The following AFF4 variants were observed in gnomAD, a reference collection of about 807,000 sequenced individuals.
AFF4 encodes AF4/FMR2 family member 4.
Under a neutral mutation model 124.8 loss-of-function variants are expected in AFF4, and 13 were observed. That is an observed-to-expected ratio of 0.10 (90% CI 0.07 to 0.17). AFF4 has a LOEUF of 0.17. Among genes scored for constraint, AFF4 ranks in the 10% least tolerant of loss-of-function variants. AFF4 has a pLI of 1.00. For synonymous variants in AFF4, 477 were observed against 496.1 expected (o/e 0.96, Z 0.51); for missense variants, 1,092 against 1,403.8 (o/e 0.78, Z 3.55).
At chr5:132,944,370 G>C (rs116332641) in intron 1 of AFF4, among the ~76,000 whole-genome samples, 15,644 of 151,736 alleles carry the variant, frequency 0.1, 1,119 homozygotes, top group Non-Finnish European at 0.16. Context: ...CAGAAGGTCA[G>C]GCACGGTGGT....
At chr5:132,923,250 C>G (rs1378805173) in intron 5 of AFF4, among the ~76,000 whole-genome samples, 1 of 152,038 alleles carries the variant, frequency 6.6e-6, no homozygotes, top group Non-Finnish European at 1.5e-5. Flanking sequence ...ACTCAGGAGG[C>G]TGAGGCAGGA....
At position 132,937,085 on chromosome 5, in the gene AFF4, A is replaced by G. The variant is rs1761449894; in HGVS notation, c.105T>C (p.Phe35=). The change falls in exon 2 of 21, where the codon TTT becomes TTC. Residue 35 remains phenylalanine (F), a synonymous_variant. Transcript: ENST00000265343. ...EDAFPPSSPL[F]AEPYKVTSKE... ...AACTTACAACTTTGTATGGCTCTGC[A>G]AAGAGAGGAGAGCTAGGTGGGAAGG... is the stretch of plus-strand genomic sequence containing the variant. 1 of 1,613,326 alleles carries G rather than the reference A, an allele frequency of 6.2e-7. No homozygotes were observed. The highest frequency in any genetic ancestry group is 8.5e-7 in the Non-Finnish European group (1 of 1,179,732).
intron 5 of AFF4, among the ~76,000 whole-genome samples, chr5:132,917,103 G>A (rs1275797687): frequency 6.6e-6 from 1 of 151,938 alleles, no homozygotes; most frequent in African/African-American, 2.4e-5. Flanking sequence ...ATTTTTAGTA[G>A]AGACAGGGTT....
chr5:132,905,156 T>C (rs1331493386), intron 5 of AFF4, among the ~76,000 whole-genome samples: 1 of 152,130 alleles, frequency 6.6e-6, no homozygotes, highest in Admixed American at 6.5e-5. Context: ...ATATTTTATA[T>C]ACATTAGCAA....
rs921680603 is a variant in AFF4 at position 132,878,526 on chromosome 5, AGAT to A, written c.*2530_*2532del. On this transcript the variant is annotated 3_prime_UTR_variant, in exon 21 of 21. Coordinates refer to ENST00000265343, the MANE Select transcript of AFF4 (RefSeq NM_014423.4). ...AGGAGTCCAAAGTATGTGCTGGAGC[AGAT>A]GATGACAAAGACAGAACATCTAAGA... 4.3e-6 allele frequency: 1 copy of A among 232,264 alleles called. No individual in the cohort carries two copies. Among genetic ancestry groups the A allele is most frequent in the African/African-American group, 2.2e-5 (1 of 45,278 alleles). 14.4% of individuals were successfully genotyped at this position (232,264 alleles called of 1,614,324 possible).
intron 5 of AFF4, chr5:132,926,129 T>C: frequency 6.0e-6 from 2 of 333,626 alleles, no homozygotes; most frequent in South Asian, 5.9e-5. Context: ...TACAGAACAA[T>C]ATATTTGCGT....
At chr5:132,939,657 T>A (rs750997341) in intron 1 of AFF4, among the ~76,000 whole-genome samples, 1 of 152,232 alleles carries the variant, frequency 6.6e-6, no homozygotes, top group East Asian at 1.9e-4. Flanking sequence ...GTCCCCCAGG[T>A]TGAAGTGCGA....
chr5:132,916,869 C>T (rs66628697), intron 5 of AFF4, among the ~76,000 whole-genome samples: 20,770 of 152,158 alleles, frequency 0.14, 1,550 homozygotes, highest in Middle Eastern at 0.2. Flanking sequence ...GTAGAGTTTA[C>T]ATCAGGAATG....
At chr5:132,951,603 C>A (rs2150110894) in intron 1 of AFF4, among the ~76,000 whole-genome samples, 1 of 152,340 alleles carries the variant, frequency 6.6e-6, no homozygotes, top group East Asian at 1.9e-4. Context: ...TCTCGGCTCA[C>A]TGCAACCTCC....
At chr5:132,908,371 T>C (rs1760716344) in intron 5 of AFF4, among the ~76,000 whole-genome samples, 1 of 152,122 alleles carries the variant, frequency 6.6e-6, no homozygotes, top group African/African-American at 2.4e-5. Flanking sequence ...TGATATCTGG[T>C]TTCACTGGAT....
Position 132,897,245 on chromosome 5 carries a change from A to G in AFF4, c.1390-5T>C. The stretch of plus-strand genomic sequence containing the variant: ...GTTTGTTGGCGGGGGTTCAGGCTGA[A>G]AAACAGAGAAATATGTATGCTTTTT... On this transcript the variant is annotated splice_polypyrimidine_tract_variant and splice_region_variant and intron_variant, in intron 10 of 20. Transcript: ENST00000265343. The G allele has an allele frequency of 2.5e-6, 4 of 1,609,932 alleles. No homozygotes were observed. The highest frequency in any genetic ancestry group is 3.4e-6 in the Non-Finnish European group (4 of 1,177,318).
In AFF4 at chr5:132,963,449, G is replaced by A. The variant is rs1175130432; in HGVS notation, c.-195C>T. ...AAACGAAGGCGGCGTCGGCGGCGGC[G>A]GCAGCGATGCGCCTCACACGGAACA... On this transcript the variant is annotated 5_prime_UTR_variant, in exon 1 of 21. Transcript: ENST00000265343. The A allele has an allele frequency of 5.0e-6, 2 of 398,390 alleles. No individual in the cohort carries two copies. Among genetic ancestry groups the A allele is most frequent in the East Asian group, 3.6e-5 (1 of 28,068 alleles). The allele number at this position is 398,390 out of a possible 1,614,324, so 24.7% of individuals were successfully genotyped here. A position where few individuals can be genotyped will look rare whatever the true frequency, so the allele number is the denominator to read the frequency against.
intron 5 of AFF4, among the ~76,000 whole-genome samples, chr5:132,909,574 T>TTAAAAAGAGAGAGGTGTC (rs1336437041): frequency 6.6e-6 from 1 of 152,104 alleles, no homozygotes; most frequent in Non-Finnish European, 1.5e-5. Context: ...GATAGAGAGA[T>TTAAAAAGAGAGAGGTGTC]TAAAAAGAGA....
Position 132,885,056 on chromosome 5 carries a change from C to A in AFF4, c.3143+20G>T, listed in dbSNP as rs45441396. 5 of 1,562,870 alleles carry A rather than the reference C, an allele frequency of 3.2e-6. No individual in the cohort carries two copies. In the South Asian group the frequency reaches 4.7e-5, roughly 15 times the overall value. On this transcript the variant is annotated intron_variant, in intron 19 of 20. Coordinates refer to ENST00000265343, the MANE Select transcript of AFF4 (RefSeq NM_014423.4). ...CTTTTATTGCCACAATAATATTTTA[C>A]ATAATAAAATTTTACCTACCTTCCC...
chr5:132,895,112 C>T (rs569664956), intron 11 of AFF4, among the ~76,000 whole-genome samples: 19 of 152,068 alleles, frequency 1.2e-4, no homozygotes, highest in Non-Finnish European at 2.6e-4. Flanking sequence ...GAATTAAATC[C>T]CACAGCCAAG....
At chr5:132,950,146 A>G (rs964700406) in intron 1 of AFF4, among the ~76,000 whole-genome samples, 2 of 152,074 alleles carry the variant, frequency 1.3e-5, no homozygotes, top group African/African-American at 4.8e-5. Flanking sequence ...CCTGGCCAAC[A>G]TGGTGAAACC....
At chr5:132,960,398 C>T (rs947205119) in intron 1 of AFF4, among the ~76,000 whole-genome samples, 1 of 152,158 alleles carries the variant, frequency 6.6e-6, no homozygotes, top group African/African-American at 2.4e-5. Context: ...GCTCTCAATA[C>T]TTAAGAATAC....
intron 5 of AFF4, among the ~76,000 whole-genome samples, chr5:132,920,051 C>CT (rs1483109386): frequency 6.6e-6 from 1 of 151,190 alleles, no homozygotes; most frequent in African/African-American, 2.4e-5. Context: ...TTTTCTTTTT[C>CT]TTTTTTTCTT....
intron 1 of AFF4, among the ~76,000 whole-genome samples, chr5:132,939,968 C>T (rs1761528783): frequency 6.6e-6 from 1 of 152,182 alleles, no homozygotes; most frequent in South Asian, 2.1e-4. Context: ...GAGGCCAAGG[C>T]GGGCGGATCA....
Sources: gnomAD v4.1 joint callset for allele counts (sites outside exome capture counted in the v4.1 genomes callset) on GRCh38, gnomAD v4.1.1 for gene constraint, MANE v1.5 for transcripts, NCBI Gene and HGNC (gene_info 2026-07-23, HGNC 2026-07-21) for gene names.